CDK19: variants seen among roughly 807,000 people sequenced by gnomAD.
The protein encoded by CDK19 is cyclin-dependent kinase 19.
CDK19 carries 20 observed loss-of-function variants against 68.3 expected under a neutral mutation model. The observed-to-expected ratio is 0.29, with a 90% CI of 0.21 to 0.43. CDK19 has a LOEUF of 0.43. Among genes scored for constraint, CDK19 ranks in the 20% least tolerant of loss-of-function variants. CDK19 has a pLI of 1.00. For synonymous variants in CDK19, 221 were observed against 222.8 expected (o/e 0.99, Z 0.07); for missense variants, 339 against 623.5 (o/e 0.54, Z 4.86).
rs182551872 is a variant in CDK19, at chr6:110,814,433, G to A, written c.128+576C>T. Among the ~76,000 whole-genome samples the A allele has an allele frequency of 7.2e-3, 1,099 of 152,360 alleles. 2 individuals carry two copies. The highest frequency in any genetic ancestry group is 0.011 in the Non-Finnish European group (770 of 68,030). On this transcript the variant is annotated intron_variant, in intron 1 of 12. Transcript: ENST00000368911. ...ACAACAGGGATGGGAGGACTGCATA[G>A]AGAAGCCAACGGGCCGGCCAGCCCG...
At chr6:110,772,986 C>CGGGCAGA (rs1780139034) in intron 1 of CDK19, among the ~76,000 whole-genome samples, 1 of 148,158 alleles carries the variant, frequency 6.7e-6, no homozygotes, top group Admixed American at 6.8e-5. Flanking sequence ...GAGGCTAAGG[C>CGGGCAGA]GGGCAGATCG....
intron 2 of CDK19, among the ~76,000 whole-genome samples, chr6:110,686,377 T>G (rs1189296903): frequency 6.6e-6 from 1 of 152,232 alleles, no homozygotes; most frequent in Non-Finnish European, 1.5e-5. Context: ...GCAGTTATTT[T>G]CATTATATCA....
intron 5 of CDK19, among the ~76,000 whole-genome samples, chr6:110,633,858 G>T (rs1449018115): frequency 6.6e-6 from 1 of 152,154 alleles, no homozygotes; most frequent in Non-Finnish European, 1.5e-5. Flanking sequence ...TGGTCACAGG[G>T]ATAGTAAATA....
chr6:110,811,404 G>A (rs539314736), intron 1 of CDK19, among the ~76,000 whole-genome samples: 13 of 152,212 alleles, frequency 8.5e-5, no homozygotes, highest in African/African-American at 2.6e-4. Context: ...GCCATGCAAG[G>A]CACCACGCTC....
intron 4 of CDK19, among the ~76,000 whole-genome samples, chr6:110,666,251 TA>T (rs1781922424): frequency 7.7e-6 from 1 of 130,224 alleles, no homozygotes; most frequent in Non-Finnish European, 1.7e-5. Context: ...CTGTCTCTAC[TA>T]AAAAATACAA....
chr6:110,698,570 T>C (rs1233246634), intron 2 of CDK19, among the ~76,000 whole-genome samples: 1 of 152,132 alleles, frequency 6.6e-6, no homozygotes, highest in Non-Finnish European at 1.5e-5. Context: ...TGTAAATGAG[T>C]ACAACCTCTA....
At chr6:110,642,098 C>T (rs1486751658) in intron 4 of CDK19, among the ~76,000 whole-genome samples, 2 of 151,784 alleles carry the variant, frequency 1.3e-5, no homozygotes, top group African/African-American at 2.4e-5. Context: ...GTCAGGAGTT[C>T]GAGACCAGCC....
intron 4 of CDK19, among the ~76,000 whole-genome samples, chr6:110,666,911 A>T (rs560866006): frequency 1.7e-4 from 26 of 152,170 alleles, no homozygotes; most frequent in African/African-American, 6.0e-4. Context: ...TATACTGAAT[A>T]AAAAAAAGTA....
At chr6:110,690,412 T>TC in intron 2 of CDK19, among the ~76,000 whole-genome samples, 1 of 152,094 alleles carries the variant, frequency 6.6e-6, no homozygotes, top group African/African-American at 2.4e-5. Context: ...CTCCCACCTT[T>TC]CCCCCGTAAG....
intron 2 of CDK19, among the ~76,000 whole-genome samples, chr6:110,709,955 T>C (rs1465892264): frequency 1.3e-5 from 2 of 152,142 alleles, no homozygotes; most frequent in Non-Finnish European, 2.9e-5. Context: ...AGCTAATAAA[T>C]AGGTTTGACT....
intron 1 of CDK19, among the ~76,000 whole-genome samples, chr6:110,752,675 A>T (rs1159906213): frequency 6.6e-6 from 1 of 152,214 alleles, no homozygotes; most frequent in Non-Finnish European, 1.5e-5. Flanking sequence ...TGAAAATGTG[A>T]CAACAGTTTG....
chr6:110,664,412 T>TTA (rs1781795022), intron 4 of CDK19, among the ~76,000 whole-genome samples: 1 of 152,208 alleles, frequency 6.6e-6, no homozygotes. Context: ...CTCATCTATC[T>TTA]TATAGTATAA....
At chr6:110,734,801 ACTT>A (rs71702922) in intron 2 of CDK19, among the ~76,000 whole-genome samples, 23,725 of 151,930 alleles carry the variant, frequency 0.16, 2,048 homozygotes, top group East Asian at 0.32. Flanking sequence ...AAAACTATAA[ACTT>A]CTTGAGGGAA....
rs894372415 is a variant in CDK19 at position 110,803,080 on chromosome 6, CT to C, written c.128+11928del. ...CAGACAGTAAGAAGGAAGGCTTTGACTTTTTTTTTTTTCTTTTGAGACAGAG... is the reference window on the plus strand; with the variant it reads ...CAGACAGTAAGAAGGAAGGCTTTGACTTTTTTTTTTTCTTTTGAGACAGAG... On this transcript the variant is annotated intron_variant, in intron 1 of 12. Coordinates refer to ENST00000368911, the MANE Select transcript of CDK19 (RefSeq NM_015076.5). 3.6e-4 allele frequency among the ~76,000 whole-genome samples: 53 copies of C among 147,130 alleles called. No homozygotes were observed. In the Middle Eastern group the frequency reaches 0.011, roughly 30 times the overall value.
chr6:110,697,775 C>T (rs1209133562), intron 2 of CDK19, among the ~76,000 whole-genome samples: 1 of 152,146 alleles, frequency 6.6e-6, no homozygotes, highest in African/African-American at 2.4e-5. Context: ...TACTACAAGG[C>T]TATAGTTACC....
intron 9 of CDK19, 139 bp from the exon 10 acceptor site, chr6:110,623,051 C>G (rs1050433409): frequency 2.9e-6 from 2 of 681,808 alleles, no homozygotes; most frequent in East Asian, 2.6e-5. Context: ...ATACTACATA[C>G]TTTTATGTGA....
chr6:110,621,143 G>C lies in CDK19; in HGVS notation c.1338C>G (p.Gly446=). 6.2e-7 allele frequency: 1 copy of C among 1,614,036 alleles called. No homozygotes were observed. The highest frequency in any genetic ancestry group is 8.5e-7 in the Non-Finnish European group (1 of 1,179,974). ...PNKKPRLGPS[G]ANSGGPVMPS... ...GCATCACAGGTCCACCTGAGTTTGC[G>C]CCTGAAGGCCCTAGCCGTGGCTTCT... The change falls in exon 12 of 13, where the codon GGC becomes GGG. Residue 446 remains glycine (G), a synonymous_variant. Transcript: ENST00000368911. The surrounding 1 kb of genome is among the most constrained non-coding windows in gnomAD (Gnocchi z 5.4).
chr6:110,791,093 C>T (rs1781562107), intron 1 of CDK19, among the ~76,000 whole-genome samples: 1 of 151,760 alleles, frequency 6.6e-6, no homozygotes, highest in Admixed American at 6.6e-5. Flanking sequence ...ATAGCATGAA[C>T]CTGGGAGGCG....
chr6:110,642,658 C>T (rs1008542137), intron 4 of CDK19, among the ~76,000 whole-genome samples: 1 of 152,028 alleles, frequency 6.6e-6, no homozygotes, highest in Non-Finnish European at 1.5e-5. Context: ...CAGCTATATG[C>T]TATATAAGAA....
Sources: allele counts gnomAD v4.1 joint callset (sites outside exome capture counted in the v4.1 genomes callset), GRCh38; gene constraint gnomAD v4.1.1; non-coding constraint Gnocchi (gnomAD v3.1); transcripts MANE v1.5; gene names NCBI Gene and HGNC (gene_info 2026-07-23, HGNC 2026-07-21).